The following DACH2 variants were observed in gnomAD, a reference collection of about 807,000 sequenced individuals.
DACH2 encodes dachshund family transcription factor 2.
A neutral mutation model predicts 35.8 loss-of-function variants in DACH2; 17 were observed. The ratio of observed to expected loss-of-function variants is 0.48; its 90% CI spans 0.33 to 0.71. DACH2 has a LOEUF of 0.71. DACH2 is among the 30% of genes least tolerant of loss of function. DACH2 has a pLI of 0.02. For missense variants in DACH2, 469 were observed against 472.7 expected (o/e 0.99, Z 0.07); for synonymous variants, 195 against 177.3 (o/e 1.10, Z -0.79).
intron 1 of DACH2, among the ~76,000 whole-genome samples, chrX:86,168,134 A>G (rs1440812854): frequency 9.0e-6 from 1 of 111,556 alleles, no homozygotes; most frequent in Non-Finnish European, 1.9e-5. Context: ...GTTGAAAGTA[A>G]GGTGTTGAAA....
intron 2 of DACH2, among the ~76,000 whole-genome samples, chrX:86,479,413 C>A (rs1315491237): frequency 1.8e-5 from 2 of 111,217 alleles, no homozygotes; most frequent in Non-Finnish European, 3.8e-5. Flanking sequence ...TCCCTGCCCC[C>A]TGTTCCATAT....
At position 86,699,507 on chromosome X, in the gene DACH2, C is replaced by T. The variant is rs768353748; in HGVS notation, c.931+4328C>T. On this transcript the variant is annotated intron_variant, in intron 5 of 11. Coordinates refer to ENST00000373125, the MANE Select transcript of DACH2 (RefSeq NM_053281.3). ...TTATCCTTATAAAACCATCAGATCT[C>T]GTGAGACTTATTCGCCACCATGAGA... is the stretch of plus-strand genomic sequence containing the variant. Among the ~76,000 whole-genome samples, 6 of 111,277 alleles carry T rather than the reference C, an allele frequency of 5.4e-5. No individual in the cohort carries two copies. In the East Asian group the frequency reaches 1.7e-3, roughly 32 times the overall value.
intron 1 of DACH2, among the ~76,000 whole-genome samples, chrX:86,345,824 T>A (rs2035487017): frequency 9.0e-6 from 1 of 111,731 alleles, no homozygotes; most frequent in African/African-American, 3.3e-5. Flanking sequence ...AGTTTTGCTC[T>A]GAGTAACATT....
chrX:86,667,251 A>C (rs1407013210), intron 4 of DACH2, among the ~76,000 whole-genome samples: 1 of 96,016 alleles, frequency 1.0e-5, no homozygotes, highest in Non-Finnish European at 2.1e-5. Flanking sequence ...CTGTCAAAAA[A>C]AAAAAGAAAG....
intron 7 of DACH2, among the ~76,000 whole-genome samples, chrX:86,767,376 T>C (rs2041945541): frequency 8.9e-6 from 1 of 111,838 alleles, no homozygotes. Flanking sequence ...TTGAGCATAA[T>C]ATCACAGAGA....
chrX:86,371,699 T>C (rs929737539), intron 1 of DACH2, among the ~76,000 whole-genome samples: 1 of 111,196 alleles, frequency 9.0e-6, no homozygotes, highest in African/African-American at 3.3e-5. Flanking sequence ...AGTGTTGTTA[T>C]ATAAGATGCA....
At chrX:86,712,514 G>GTA (rs199806194) in intron 5 of DACH2, among the ~76,000 whole-genome samples, 4,834 of 108,803 alleles carry the variant, frequency 0.044, 259 homozygotes, top group African/African-American at 0.15. Context: ...CACGTTGTGT[G>GTA]TATATATATA....
chrX:86,759,526 G>T (rs1281497083), intron 7 of DACH2, among the ~76,000 whole-genome samples: 1 of 105,397 alleles, frequency 9.5e-6, no homozygotes, highest in African/African-American at 3.4e-5. Context: ...GGTGAGATGA[G>T]TTTCTCATAG....
intron 1 of DACH2, among the ~76,000 whole-genome samples, chrX:86,176,562 G>T (rs1474992847): frequency 9.0e-6 from 1 of 110,977 alleles, no homozygotes; most frequent in African/African-American, 3.3e-5. Context: ...AATACTATCA[G>T]ATTTTACGTT....
intron 4 of DACH2, among the ~76,000 whole-genome samples, chrX:86,659,076 T>C (rs1223376630): frequency 9.0e-6 from 1 of 111,299 alleles, no homozygotes; most frequent in African/African-American, 3.3e-5. Flanking sequence ...GCCTTCTTTC[T>C]TTATGTTATC....
At chrX:86,272,763 T>C (rs195038) in intron 1 of DACH2, among the ~76,000 whole-genome samples, 18,905 of 111,400 alleles carry the variant, frequency 0.17, 1,637 homozygotes, top group African/African-American at 0.3. Flanking sequence ...GATGATTCCA[T>C]ATAATAAGAT....
chrX:86,595,888 A>T (rs1205138722), intron 3 of DACH2, among the ~76,000 whole-genome samples: 1 of 110,761 alleles, frequency 9.0e-6, no homozygotes, highest in African/African-American at 3.3e-5. Flanking sequence ...CCCCATACTC[A>T]TTAAAGTTAT....
chrX:86,503,666 TA>T (rs1415595083), intron 2 of DACH2, among the ~76,000 whole-genome samples: 1 of 111,917 alleles, frequency 8.9e-6, no homozygotes, highest in African/African-American at 3.2e-5. Context: ...TAAGGGAATG[TA>T]AAAAAGCAGA....
intron 2 of DACH2, among the ~76,000 whole-genome samples, chrX:86,427,659 C>T (rs1033384311): frequency 1.8e-5 from 2 of 111,163 alleles, no homozygotes; most frequent in Non-Finnish European, 3.8e-5. Context: ...AAAAAGAATT[C>T]TTTTAACCAA....
chrX:86,471,348 G>A (rs2037758055), intron 2 of DACH2, among the ~76,000 whole-genome samples: 1 of 111,126 alleles, frequency 9.0e-6, no homozygotes. Context: ...AGACTATATT[G>A]ATATATAGCT....
At chrX:86,601,442 T>C (rs2039787947) in intron 3 of DACH2, among the ~76,000 whole-genome samples, 2 of 111,729 alleles carry the variant, frequency 1.8e-5, no homozygotes, top group Admixed American at 1.9e-4. Flanking sequence ...GTAAAAATAT[T>C]GTTCTAGTCA....
chrX:86,378,823 C>T (rs777690705), intron 2 of DACH2, among the ~76,000 whole-genome samples: 5 of 110,726 alleles, frequency 4.5e-5, no homozygotes, highest in Non-Finnish European at 9.5e-5. Context: ...AATAAATAAC[C>T]AGTGGGAGTG....
chrX:86,762,209 G>A (rs1602913292), intron 7 of DACH2, among the ~76,000 whole-genome samples: 1 of 111,020 alleles, frequency 9.0e-6, no homozygotes, highest in East Asian at 2.8e-4. Context: ...CAAATACATC[G>A]AAAGGGAGGA....
chrX:86,723,032 T>C (rs1470777574), intron 6 of DACH2, among the ~76,000 whole-genome samples: 1 of 112,018 alleles, frequency 8.9e-6, no homozygotes, highest in Non-Finnish European at 1.9e-5. Context: ...GGTTTTATAT[T>C]TCTTCTTGGT....
Sources: allele counts gnomAD v4.1 joint callset (sites outside exome capture counted in the v4.1 genomes callset), GRCh38; gene constraint gnomAD v4.1.1; transcripts MANE v1.5; gene names NCBI Gene and HGNC (gene_info 2026-07-23, HGNC 2026-07-21).